TASOR: variants seen among roughly 807,000 people sequenced by gnomAD.
TASOR encodes the protein transcription activation suppressor, also known as protein TASOR.
A neutral mutation model predicts 178.6 loss-of-function variants in TASOR; 53 were observed. That is an observed-to-expected ratio of 0.30 (90% confidence interval 0.24 to 0.37). TASOR has a LOEUF of 0.37. TASOR is among the 10% of genes least tolerant of loss of function. The pLI is 1.00. For synonymous variants in TASOR, 713 were observed against 696.2 expected, an observed-to-expected ratio of 1.02 and a Z score of -0.38; for missense variants, 1,815 against 1,971.4, an observed-to-expected ratio of 0.92 and a Z score of 1.50.
chr3:56,639,918 G>A (rs2077088794), intron 16 of TASOR, 68 bp downstream of exon 16: 3 of 1,412,654 alleles, frequency 2.1e-6, no homozygotes, highest in Non-Finnish European at 2.9e-6. Flanking sequence ...CACAGAAGAT[G>A]GAAACATTCA....
rs2076707020 is a variant in TASOR, at chr3:56,622,383, CTA to C, written c.*652_*653del. ...TTCAACGCCTTTGATAAACAGAAGC[CTA>C]TCTTTTGAAATAAAAAATTTAATTT... On this transcript the variant is annotated 3_prime_UTR_variant, in exon 24 of 24. Transcript: ENST00000683822. The C allele has an allele frequency of 2.0e-5, 3 of 152,136 alleles. No individual in the cohort carries two copies. The highest frequency in any genetic ancestry group is 1.3e-4 in the Admixed American group (2 of 15,266). The allele number at this position is 152,136 out of a possible 1,614,324, so 9.4% of individuals were successfully genotyped here.
In TASOR at chr3:56,622,032, A is replaced by AC. The variant is rs2076689299; in HGVS notation, c.*1004dup. Reference sequence around the variant, plus strand: ...CTGTCTAACTTATTAACACGTCTAGACCCATAACTCCATAACTTTTACTGA... The same window carrying AC: ...CTGTCTAACTTATTAACACGTCTAGACCCCATAACTCCATAACTTTTACTGA... On this transcript the variant is annotated 3_prime_UTR_variant, in exon 24 of 24. Transcript: ENST00000683822. The AC allele has an allele frequency of 6.6e-6, 1 of 152,370 alleles. No homozygotes were observed. Among genetic ancestry groups the AC allele is most frequent in the Non-Finnish European group, 1.5e-5 (1 of 68,190 alleles). 9.4% of individuals were successfully genotyped at this position (152,370 alleles called of 1,614,324 possible). A position where few individuals can be genotyped will look rare whatever the true frequency, so the allele number is the denominator to read the frequency against.
In TASOR at chr3:56,639,370, T is replaced by C. The variant is rs576984943; in HGVS notation, c.2765-605A>G. On this transcript the variant is annotated intron_variant, in intron 16 of 23. Transcript: ENST00000683822. ...AATATTAAGAGTATGTATTTATGTG[T>C]GTGTATGTATGTGTTTGCACAGAGA... 9.9e-5 allele frequency among the ~76,000 whole-genome samples: 15 copies of C among 151,540 alleles called. No homozygotes were observed. In the South Asian group the frequency reaches 3.1e-3, roughly 32 times the overall value.
At chr3:56,678,006 T>A (rs1382321892) in intron 1 of TASOR, among the ~76,000 whole-genome samples, 5 of 152,122 alleles carry the variant, frequency 3.3e-5, no homozygotes, top group Non-Finnish European at 5.9e-5. Context: ...AAATTATAGA[T>A]GTATTTTACG....
chr3:56,647,593 G>T (rs1412859990), intron 13 of TASOR, among the ~76,000 whole-genome samples: 1 of 152,172 alleles, frequency 6.6e-6, no homozygotes, highest in Non-Finnish European at 1.5e-5. Context: ...AAGCAAAACA[G>T]TCCTGCATGT....
chr3:56,646,348 C>A (rs1436750290), intron 14 of TASOR, among the ~76,000 whole-genome samples, 174 bp downstream of exon 14: 1 of 152,156 alleles, frequency 6.6e-6, no homozygotes, highest in Non-Finnish European at 1.5e-5. Flanking sequence ...AGCATGAGAG[C>A]AGCTACATAC....
chr3:56,668,600 T>C (rs565407742), intron 5 of TASOR, 42 bp from the exon 6 acceptor site: 17 of 1,311,422 alleles, frequency 1.3e-5, no homozygotes, highest in Admixed American at 2.5e-5. Context: ...CTAAACCTAA[T>C]TGTTGACTAT....
intron 17 of TASOR, among the ~76,000 whole-genome samples, chr3:56,637,767 A>C (rs1190235687): frequency 6.6e-6 from 1 of 152,150 alleles, no homozygotes; most frequent in Non-Finnish European, 1.5e-5. Flanking sequence ...AGAGTCAGAT[A>C]CAACAAAACT....
Position 56,623,186 on chromosome 3 carries a change from T to A in TASOR, c.4864A>T (p.Thr1622Ser). The A allele has an allele frequency of 6.2e-7, 1 of 1,613,738 alleles. No individual in the cohort carries two copies. The highest frequency in any genetic ancestry group is 8.5e-7 in the Non-Finnish European group (1 of 1,179,880). ...NVLTHQTFLG[T>S]PYALSSSQSQ... ...TGACTTGATGAAAGGGCATATGGTG[T>A]CCCCAAAAATGTCTGATGAGTGAGA... Residue 1622 changes from threonine to serine, a missense_variant, in exon 24 of 24, where the codon ACA (threonine) becomes TCA (serine). Around this residue, in one of 5 missense-constraint regions of TASOR, gnomAD observed 278 missense variants for 257.1 expected, o/e 1.08. Transcript: ENST00000683822.
intron 6 of TASOR, 114 bp from the exon 7 acceptor site, chr3:56,666,498 T>A (rs1226507875): frequency 2.7e-6 from 2 of 731,410 alleles, no homozygotes; most frequent in Non-Finnish European, 4.0e-6. Context: ...TGACAAAAAA[T>A]GTCTTTAAGC....
In TASOR at chr3:56,673,805, T is replaced by G. The variant is rs1265486674; in HGVS notation, c.332-80A>C. On this transcript the variant is annotated intron_variant, in intron 1 of 23. Transcript: ENST00000683822. ...AGCTTTTTATATTTTTGTGGGTTAA[T>G]GTAACTTTAAATACCATGAAAAAAG... The G allele has an allele frequency of 2.4e-6, 3 of 1,259,606 alleles. No homozygotes were observed. In the African/African-American group the frequency reaches 4.6e-5, roughly 19 times the overall value. The allele number at this position is 1,259,606 out of a possible 1,614,324, so 78.0% of individuals were successfully genotyped here.
At chr3:56,642,173 A>C (rs1402002555) in intron 14 of TASOR, among the ~76,000 whole-genome samples, 1 of 152,144 alleles carries the variant, frequency 6.6e-6, no homozygotes, top group Admixed American at 6.5e-5. Context: ...TCTTTTCCAT[A>C]CCTATTATAT....
intron 19 of TASOR, among the ~76,000 whole-genome samples, chr3:56,628,153 G>A (rs1391695596): frequency 1.3e-5 from 2 of 152,174 alleles, no homozygotes; most frequent in African/African-American, 2.4e-5. Flanking sequence ...AAGGGAAAAG[G>A]GGACTGGTCT....
At chr3:56,637,334 C>T (rs776457653) in intron 17 of TASOR, among the ~76,000 whole-genome samples, 8 of 152,140 alleles carry the variant, frequency 5.3e-5, no homozygotes, top group Non-Finnish European at 7.3e-5. Context: ...CTAGCCTGGC[C>T]GACAAGGTGA....
chr3:56,680,264 T>C (rs1332794103), intron 1 of TASOR, among the ~76,000 whole-genome samples: 1 of 152,168 alleles, frequency 6.6e-6, no homozygotes, highest in Non-Finnish European at 1.5e-5. Flanking sequence ...GAATAGTACC[T>C]ACCACAAAAC....
intron 3 of TASOR, 168 bp downstream of exon 3, chr3:56,671,432 T>C (rs759633028): frequency 6.7e-5 from 36 of 534,278 alleles, no homozygotes; most frequent in Non-Finnish European, 9.7e-5. Context: ...CTGAGTACAT[T>C]TGAAAAACAA....
chr3:56,670,995 A>G (rs1448207590), intron 3 of TASOR, among the ~76,000 whole-genome samples: 1 of 151,208 alleles, frequency 6.6e-6, no homozygotes, highest in Admixed American at 6.6e-5. Context: ...AGAATCAACA[A>G]TATAGAAGAT....
At chr3:56,640,971 T>G (rs914960498) in intron 15 of TASOR, among the ~76,000 whole-genome samples, 12 of 152,254 alleles carry the variant, frequency 7.9e-5, no homozygotes, top group Admixed American at 7.2e-4. Flanking sequence ...CATCCTCATC[T>G]GCCTCACCTT....
chr3:56,632,953 A>T, intron 18 of TASOR, 91 bp downstream of exon 18: 1 of 1,068,676 alleles, frequency 9.4e-7, no homozygotes, highest in Non-Finnish European at 1.3e-6. Flanking sequence ...TTAAACACAA[A>T]ACATTTAAAT....
Sources: allele counts gnomAD v4.1 joint callset (sites outside exome capture counted in the v4.1 genomes callset), GRCh38; gene constraint gnomAD v4.1.1; regional missense constraint gnomAD v4.1.1; transcripts MANE v1.5; gene names NCBI Gene and HGNC (gene_info 2026-07-23, HGNC 2026-07-21).